TIMM23B: variants seen among roughly 807,000 people sequenced by gnomAD.
The protein encoded by TIMM23B is translocase of inner mitochondrial membrane 23 homolog B.
In TIMM23B, 27 loss-of-function variants were observed where a neutral mutation model predicts 27.3. The observed-to-expected ratio is 0.99, with a 90% confidence interval of 0.73 to 1.36. TIMM23B has a LOEUF of 1.36. TIMM23B is among the 40% of genes most tolerant of loss of function. The pLI is 0.00. For synonymous variants in TIMM23B, 73 were observed against 92.4 expected (o/e 0.79, Z 1.21); for missense variants, 205 against 244.2 (o/e 0.84, Z 1.07).
intron 2 of TIMM23B, among the ~76,000 whole-genome samples, chr10:49,951,921 C>G (rs1422057236): frequency 3.3e-5 from 5 of 152,194 alleles, no homozygotes; most frequent in African/African-American, 9.7e-5. Flanking sequence ...TAATGAGACT[C>G]CCTTCTAAGA....
chr10:49,943,488 C>A (rs1839235105), intron 1 of TIMM23B: 1 of 151,996 alleles, frequency 6.6e-6, no homozygotes, highest in African/African-American at 2.4e-5. Context: ...CTCGGCCTCC[C>A]AAAATGCTGG....
chr10:49,964,506 A>G (rs1315403019), intron 6 of TIMM23B, among the ~76,000 whole-genome samples: 7 of 138,772 alleles, frequency 5.0e-5, no homozygotes, highest in Non-Finnish European at 1.1e-4. Flanking sequence ...TTCTGGGTGC[A>G]GTGGCGCACT....
intron 4 of TIMM23B, 49 bp from the exon 5 acceptor site, chr10:49,954,953 G>C: frequency 6.2e-7 from 1 of 1,609,262 alleles, no homozygotes; most frequent in Non-Finnish European, 8.5e-7. Context: ...AAGATTACTA[G>C]AGAAATAATG....
chr10:49,942,341 C>A, intron 1 of TIMM23B, 41 bp downstream of exon 1: 1 of 1,580,978 alleles, frequency 6.3e-7, no homozygotes, highest in Non-Finnish European at 8.6e-7. Context: ...CTGACTGGTT[C>A]TTGCGTTTAC....
chr10:49,963,664 A>C (rs1840002527), intron 6 of TIMM23B, among the ~76,000 whole-genome samples: 1 of 152,138 alleles, frequency 6.6e-6, no homozygotes, highest in South Asian at 2.1e-4. Context: ...ACAAAATTAA[A>C]TATGAAATGA....
intron 6 of TIMM23B, among the ~76,000 whole-genome samples, chr10:49,961,594 A>T (rs1839911875): frequency 6.7e-6 from 1 of 148,490 alleles, no homozygotes; most frequent in Admixed American, 6.8e-5. Context: ...AAGTCACTAA[A>T]ATGTTTCCCT....
At chr10:49,970,870 G>A (rs528859290) in intron 6 of TIMM23B, among the ~76,000 whole-genome samples, 3 of 152,318 alleles carry the variant, frequency 2.0e-5, no homozygotes, top group East Asian at 3.9e-4. Context: ...TGACGATGGC[G>A]GTTTTGTTGA....
chr10:49,964,962 T>C (rs1840073249), intron 6 of TIMM23B, among the ~76,000 whole-genome samples: 2 of 152,252 alleles, frequency 1.3e-5, no homozygotes, highest in East Asian at 3.9e-4. Flanking sequence ...GGCTCACGCT[T>C]GTAATCCTAG....
At chr10:49,969,317 G>C (rs1840309811) in intron 6 of TIMM23B, among the ~76,000 whole-genome samples, 1 of 151,634 alleles carries the variant, frequency 6.6e-6, no homozygotes, top group African/African-American at 2.4e-5. Flanking sequence ...GGCACCTGTA[G>C]TCCCACTTAC....
In TIMM23B at chr10:49,971,065, A is replaced by G. The variant is rs2132070866; in HGVS notation, c.515-1947A>G. Among the ~76,000 whole-genome samples the G allele has an allele frequency of 2.6e-5, 4 of 152,246 alleles. No homozygotes were observed. The East Asian group carries it at 5.8e-4, about 22-fold the overall frequency. Reference sequence around the variant, plus strand: ...GCTCTCTGAAACATGTGCTGTGTCCACTCAGGGTTAAATGGATTAAGAGCG... The same window carrying G: ...GCTCTCTGAAACATGTGCTGTGTCCGCTCAGGGTTAAATGGATTAAGAGCG... On this transcript the variant is annotated intron_variant, in intron 6 of 6. Coordinates refer to ENST00000651259, the MANE Select transcript of TIMM23B (RefSeq NM_001290117.2).
At chr10:49,970,889 G>C (rs1840412878) in intron 6 of TIMM23B, among the ~76,000 whole-genome samples, 1 of 152,210 alleles carries the variant, frequency 6.6e-6, no homozygotes, top group Non-Finnish European at 1.5e-5. Flanking sequence ...GAATAGAAAA[G>C]GGGGAAATGT....
intron 6 of TIMM23B, among the ~76,000 whole-genome samples, chr10:49,959,834 C>T (rs1446078767): frequency 4.2e-4 from 63 of 151,622 alleles, no homozygotes; most frequent in African/African-American, 1.3e-3. Context: ...CTGCAACCTC[C>T]ACCTCCTGGG....
chr10:49,945,019 G>A lies in TIMM23B; in HGVS notation c.107-13G>A. On this transcript the variant is annotated splice_polypyrimidine_tract_variant and intron_variant, in intron 1 of 6. Coordinates refer to ENST00000651259, the MANE Select transcript of TIMM23B (RefSeq NM_001290117.2). Reference sequence around the variant, plus strand: ...GAATTTTGTTGCAATGTGACATTTTGTTTTCTCTCTAGTAACTGGTATGAA... The same window carrying A: ...GAATTTTGTTGCAATGTGACATTTTATTTTCTCTCTAGTAACTGGTATGAA... 6.4e-7 allele frequency: 1 copy of A among 1,557,758 alleles called. No individual in the cohort carries two copies. Among genetic ancestry groups the A allele is most frequent in the East Asian group, 2.2e-5 (1 of 44,670 alleles).
intron 2 of TIMM23B, among the ~76,000 whole-genome samples, chr10:49,949,631 C>CATTTA (rs1839460170): frequency 6.6e-6 from 1 of 151,172 alleles, no homozygotes; most frequent in African/African-American, 2.4e-5. Flanking sequence ...TCATCATGAA[C>CATTTA]ATTTAATCTT....
intron 4 of TIMM23B, among the ~76,000 whole-genome samples, chr10:49,952,797 A>G (rs1839580905): frequency 6.7e-6 from 1 of 148,418 alleles, no homozygotes; most frequent in African/African-American, 2.5e-5. Context: ...CACCTGTTAC[A>G]TTCTCCAACC....
intron 2 of TIMM23B, among the ~76,000 whole-genome samples, chr10:49,950,338 A>G (rs1839485978): frequency 6.6e-6 from 1 of 151,064 alleles, no homozygotes; most frequent in African/African-American, 2.4e-5. Flanking sequence ...GTTTAACAAG[A>G]GCTTTTTAGT....
At chr10:49,965,064 AC>A (rs1339267328) in intron 6 of TIMM23B, among the ~76,000 whole-genome samples, 1 of 152,208 alleles carries the variant, frequency 6.6e-6, no homozygotes, top group Non-Finnish European at 1.5e-5. Context: ...CTACTAAAAT[AC>A]AAAAATTAGC....
chr10:49,948,850 TGGTAC>T (rs1296940662), intron 2 of TIMM23B, among the ~76,000 whole-genome samples: 1 of 152,228 alleles, frequency 6.6e-6, no homozygotes, highest in Non-Finnish European at 1.5e-5. Flanking sequence ...GTAAATTGTA[TGGTAC>T]ATGAGATACA....
chr10:49,966,431 A>AAT (rs1278409975), intron 6 of TIMM23B, among the ~76,000 whole-genome samples: 509 of 150,226 alleles, frequency 3.4e-3, no homozygotes, highest in East Asian at 0.014. Flanking sequence ...AATGAAATGA[A>AAT]GAAATGAAAT....
Sources: allele counts gnomAD v4.1 joint callset (sites outside exome capture counted in the v4.1 genomes callset), GRCh38; gene constraint gnomAD v4.1.1; transcripts MANE v1.5; gene names NCBI Gene and HGNC (gene_info 2026-07-23, HGNC 2026-07-21).